PADI2: variants seen among roughly 807,000 people sequenced by gnomAD.
PADI2 encodes the protein peptidyl arginine deiminase 2.
In PADI2, 70 loss-of-function variants were observed where a neutral mutation model predicts 81.1. The observed-to-expected ratio is 0.86, with a 90% CI of 0.71 to 1.05. The LOEUF (loss-of-function observed/expected upper bound fraction) is 1.05. PADI2 is among the 50% of genes least tolerant of loss of function. The probability of loss-of-function intolerance (pLI) is 0.00; values close to 1 mark genes in which losing one functional copy is unlikely to be tolerated. For synonymous variants in PADI2, 338 were observed against 358.0 expected, an observed-to-expected ratio of 0.94 and a Z score of 0.63; for missense variants, 853 against 889.9, an observed-to-expected ratio of 0.96 and a Z score of 0.53.
In PADI2 at chr1:17,070,145, C is replaced by T. The variant is rs1018212839; in HGVS notation, c.1707G>A (p.Leu569=). 1.1e-5 allele frequency: 17 copies of T among 1,613,996 alleles called. No individual in the cohort carries two copies. Among genetic ancestry groups the T allele is most frequent in the Non-Finnish European group, 1.3e-5 (15 of 1,179,996 alleles). The change falls in exon 15 of 16, where the codon CTG becomes CTA. Residue 569 remains leucine, a synonymous_variant. Coordinates refer to ENST00000375486, the MANE Select transcript of PADI2 (RefSeq NM_007365.3). ...LGLTEQDIID[L]PALFKMDEDH... Reference sequence around the variant, plus strand: ...CCTCGTCCATCTTGAACAGAGCGGGCAGGTCAATGATGTCCTGCTCTGTCA... The same window carrying T: ...CCTCGTCCATCTTGAACAGAGCGGGTAGGTCAATGATGTCCTGCTCTGTCA...
intron 3 of PADI2, among the ~76,000 whole-genome samples, chr1:17,099,902 GAAAGATCTT>G (rs1047280316): frequency 6.6e-6 from 1 of 152,228 alleles, no homozygotes; most frequent in Non-Finnish European, 1.5e-5. Flanking sequence ...AGGGGACAGA[GAAAGATCTT>G]AGGCTTACTT....
intron 11 of PADI2, among the ~76,000 whole-genome samples, chr1:17,078,364 G>A (rs2078320264): frequency 6.6e-6 from 1 of 151,956 alleles, no homozygotes; most frequent in Non-Finnish European, 1.5e-5. Context: ...ACCCGCCTCG[G>A]CCTCCCAAAG....
rs141844952 is a variant in PADI2 at position 17,083,819 on chromosome 1, C to T, written c.957G>A (p.Leu319=). 3 of 1,610,238 alleles carry T rather than the reference C, an allele frequency of 1.9e-6. No homozygotes were observed. In the African/African-American group the frequency reaches 4.0e-5, roughly 22 times the overall value. Residue 319 remains leucine, a synonymous_variant, in exon 9 of 16, where the codon CTG becomes CTA. Coordinates refer to ENST00000375486, the MANE Select transcript of PADI2 (RefSeq NM_007365.3). Reference sequence around the variant, plus strand: ...CAAGGTTCTTCACCTCTTTCAGGAACAGGTAATTATCCTTCATGCTGAGAA... The same window carrying T: ...CAAGGTTCTTCACCTCTTTCAGGAATAGGTAATTATCCTTCATGCTGAGAA... The part of the protein sequence containing the change: ...VFVCCMKDNY[L]FLKEVKNLVE...
chr1:17,074,248 T>A (rs2078285170), intron 13 of PADI2, among the ~76,000 whole-genome samples: 2 of 151,978 alleles, frequency 1.3e-5, no homozygotes. Flanking sequence ...AAAAATTAGC[T>A]GGGCATAGTG....
chr1:17,081,215 G>A (rs2078341399), intron 10 of PADI2, among the ~76,000 whole-genome samples: 1 of 152,186 alleles, frequency 6.6e-6, no homozygotes. Context: ...AGCTCACTAA[G>A]GACAGGGCCC....
At chr1:17,086,148 C>T (rs372741861) in intron 7 of PADI2, among the ~76,000 whole-genome samples, 7 of 152,158 alleles carry the variant, frequency 4.6e-5, no homozygotes, top group Non-Finnish European at 7.3e-5. Flanking sequence ...GTACAGAGCG[C>T]GCAGTAGGTG....
chr1:17,092,233 T>C (rs1553182649), intron 6 of PADI2, among the ~76,000 whole-genome samples, 175 bp downstream of exon 6: 1 of 152,096 alleles, frequency 6.6e-6, no homozygotes, highest in Non-Finnish European at 1.5e-5. Context: ...GGAGGAGCGA[T>C]GTGTCCCCAT....
At chr1:17,098,042 A>G (rs1931003796) in intron 3 of PADI2, among the ~76,000 whole-genome samples, 1 of 151,022 alleles carries the variant, frequency 6.6e-6, no homozygotes, top group African/African-American at 2.4e-5. Context: ...GACCACCCCC[A>G]CCCCCTAACG....
At chr1:17,096,868 C>T (rs1329581319) in intron 3 of PADI2, among the ~76,000 whole-genome samples, 3 of 152,218 alleles carry the variant, frequency 2.0e-5, no homozygotes, top group Non-Finnish European at 4.4e-5. Flanking sequence ...GAAGGCACTA[C>T]TGACATTTTT....
chr1:17,104,985 C>T lies in PADI2; in HGVS notation c.169G>A (p.Glu57Lys). Residue 57 changes from glutamate to lysine, a missense_variant, in exon 2 of 16, where the codon GAG becomes AAG. Transcript: ENST00000375486. ...HVWVEVVRDG[E>K]AEEVATNGKQ... is the part of the protein sequence containing the mutation. ...CCATTGGTGGCCACCTCCTCAGCCT[C>T]CCCATCACGCACCACCTCCACCCAC... is the stretch of plus-strand genomic sequence containing the variant. 2 of 1,607,912 alleles carry T rather than the reference C, an allele frequency of 1.2e-6. No individual in the cohort carries two copies. Among genetic ancestry groups the T allele is most frequent in the Non-Finnish European group, 1.7e-6 (2 of 1,177,786 alleles).
intron 13 of PADI2, 126 bp downstream of exon 13, chr1:17,074,730 G>A (rs1477996693): frequency 9.9e-6 from 6 of 603,338 alleles, no homozygotes; most frequent in African/African-American, 3.7e-5. Context: ...ACCCCCGATC[G>A]GGCCAGACAC....
At chr1:17,113,657 T>C (rs1400614259) in intron 1 of PADI2, among the ~76,000 whole-genome samples, 1 of 152,122 alleles carries the variant, frequency 6.6e-6, no homozygotes, top group East Asian at 1.9e-4. Context: ...GAGAGCCCCT[T>C]ACTTATTTCA....
rs544751663 is a variant in PADI2, at chr1:17,069,625, A to G, written c.1765-348T>C. Among the ~76,000 whole-genome samples the G allele has an allele frequency of 2.0e-5, 3 of 150,764 alleles. No homozygotes were observed. In the East Asian group the frequency reaches 5.8e-4, roughly 29 times the overall value. On this transcript the variant is annotated intron_variant, in intron 15 of 15. Transcript: ENST00000375486. ...TGTGCATGTGTATTTCTGTGTGTGC[A>G]TGTGTGTATATATGTTCATGCGTGC...
In PADI2 at chr1:17,067,081, G is replaced by GTGAGTCC. The variant is rs1415505294; in HGVS notation, c.*1956_*1962dup. 1 of 151,884 alleles carries GTGAGTCC rather than the reference G, an allele frequency of 6.6e-6. No individual in the cohort carries two copies. Among genetic ancestry groups the GTGAGTCC allele is most frequent in the Non-Finnish European group, 1.5e-5 (1 of 68,008 alleles). 9.4% of individuals were successfully genotyped at this position (151,884 alleles called of 1,614,324 possible). A position where few individuals can be genotyped will look rare whatever the true frequency, so the allele number is the denominator to read the frequency against. On this transcript the variant is annotated 3_prime_UTR_variant, in exon 16 of 16. Transcript: ENST00000375486. Reference sequence around the variant, plus strand: ...GGGCAAGTGAGATGGGAACGGGTGTGTGAGTCCTGGGAACTTCAGAAACAT... The same window carrying GTGAGTCC: ...GGGCAAGTGAGATGGGAACGGGTGTGTGAGTCCTGAGTCCTGGGAACTTCAGAAACAT...
At chr1:17,102,827 G>A (rs897703523) in intron 3 of PADI2, among the ~76,000 whole-genome samples, 160 bp downstream of exon 3, 2 of 152,124 alleles carry the variant, frequency 1.3e-5, no homozygotes, top group African/African-American at 4.8e-5. Flanking sequence ...AAGGACCGGG[G>A]TGGGGCACAT....
At chr1:17,070,003 T>C (rs2076596) in intron 15 of PADI2, 85 bp downstream of exon 15, 850,691 of 1,472,788 alleles carry the variant, frequency 0.58, 249,102 homozygotes, top group Non-Finnish European at 0.61. Flanking sequence ...GGCCTCCCCA[T>C]TGGACAGCTT....
intron 11 of PADI2, 75 bp from the exon 12 acceptor site, chr1:17,075,898 T>G (rs1285607266): frequency 4.9e-6 from 7 of 1,439,252 alleles, no homozygotes; most frequent in African/African-American, 1.4e-5. Context: ...GTTTGGTCTC[T>G]GGGACCCACC....
chr1:17,109,389 TAAAAAAAAAAAAAAAA>T (rs566123530), intron 1 of PADI2, among the ~76,000 whole-genome samples: 7,524 of 50,204 alleles, frequency 0.15, 478 homozygotes, highest in South Asian at 0.45. Context: ...CTCTGTCTAT[TAAAAAAAAAAAAAAAA>T]AAAAAAAAAA....
At chr1:17,102,844 T>C in intron 3 of PADI2, 143 bp downstream of exon 3, 1 of 624,736 alleles carries the variant, frequency 1.6e-6, no homozygotes. Context: ...ACATGTGACA[T>C]CCCTCCCCAG....
Sources: gnomAD v4.1 joint callset for allele counts (sites outside exome capture counted in the v4.1 genomes callset) on GRCh38, gnomAD v4.1.1 for gene constraint, MANE v1.5 for transcripts, NCBI Gene and HGNC (gene_info 2026-07-23, HGNC 2026-07-21) for gene names.